HCRTR2: variants seen among roughly 807,000 people sequenced by gnomAD.
The protein encoded by HCRTR2 is orexin receptor type 2.
In HCRTR2, 22 loss-of-function variants were observed where a neutral mutation model predicts 49.0. That is an observed-to-expected ratio of 0.45 (90% confidence interval 0.32 to 0.64). The LOEUF (loss-of-function observed/expected upper bound fraction) is 0.64. HCRTR2 is among the 30% of genes least tolerant of loss of function. The pLI is 0.04. For synonymous variants in HCRTR2, 236 were observed against 205.3 expected, an observed-to-expected ratio of 1.15 and a Z score of -1.28; for missense variants, 491 against 559.4, an observed-to-expected ratio of 0.88 and a Z score of 1.23.
chr6:55,233,881 G>A (rs944630248), intron 1 of HCRTR2, among the ~76,000 whole-genome samples: 1 of 152,284 alleles, frequency 6.6e-6, no homozygotes, highest in South Asian at 2.1e-4. Context: ...ATCCATGTAT[G>A]TTAGTTAAAT....
chr6:55,208,901 G>T (rs763060015), intron 1 of HCRTR2, among the ~76,000 whole-genome samples: 1 of 152,168 alleles, frequency 6.6e-6, no homozygotes, highest in African/African-American at 2.4e-5. Context: ...TGGGCCTTAA[G>T]TCAAGGCCCA....
intron 1 of HCRTR2, among the ~76,000 whole-genome samples, chr6:55,150,782 T>A (rs1336579937): frequency 2.6e-5 from 4 of 152,034 alleles, no homozygotes; most frequent in Non-Finnish European, 5.9e-5. Context: ...TTATAAACAA[T>A]GTTTTAATAA....
intron 1 of HCRTR2, among the ~76,000 whole-genome samples, chr6:55,145,502 C>T (rs1764568381): frequency 6.6e-6 from 1 of 151,878 alleles, no homozygotes; most frequent in Non-Finnish European, 1.5e-5. Context: ...GCTCCGCCTC[C>T]CGGGTTCATG....
At chr6:55,250,533 A>T (rs1422285840) in intron 2 of HCRTR2, among the ~76,000 whole-genome samples, 1 of 152,106 alleles carries the variant, frequency 6.6e-6, no homozygotes, top group Non-Finnish European at 1.5e-5. Flanking sequence ...TCTCTCTGTG[A>T]AACAGAAGAT....
intron 1 of HCRTR2, among the ~76,000 whole-genome samples, chr6:55,163,555 C>T (rs13201560): frequency 0.17 from 26,434 of 152,052 alleles, 2,609 homozygotes; most frequent in Non-Finnish European, 0.23. Context: ...AATGTTGTTG[C>T]GAAAACTGGC....
chr6:55,248,690 T>C lies in HCRTR2; in HGVS notation c.275T>C (p.Phe92Ser). 6.2e-7 allele frequency: 1 copy of C among 1,613,504 alleles called. No homozygotes were observed. Among genetic ancestry groups the C allele is most frequent in the Non-Finnish European group, 8.5e-7 (1 of 1,179,532 alleles). Reference sequence around the variant, plus strand: ...CACATGAGGACGGTAACCAACTACTTCATAGTCAATCTTTCTCTGGCTGAT... The same window carrying C: ...CACATGAGGACGGTAACCAACTACTCCATAGTCAATCTTTCTCTGGCTGAT... ...NHHMRTVTNY[F>S]IVNLSLADVL... Residue 92 changes from phenylalanine (F) to serine (S), a missense_variant, in exon 2 of 7, where the codon TTC becomes TCC. Coordinates refer to ENST00000370862, the MANE Select transcript of HCRTR2 (RefSeq NM_001384272.1).
At chr6:55,144,041 A>T (rs1764544661) in intron 1 of HCRTR2, among the ~76,000 whole-genome samples, 1 of 147,008 alleles carries the variant, frequency 6.8e-6, no homozygotes, top group East Asian at 2.0e-4. Context: ...ATAGCGATGC[A>T]TTTCATTTCA....
intron 4 of HCRTR2, among the ~76,000 whole-genome samples, chr6:55,273,307 T>A (rs755085907): frequency 6.6e-6 from 1 of 152,040 alleles, no homozygotes; most frequent in African/African-American, 2.4e-5. Flanking sequence ...TACTCTATTA[T>A]GATGAAATGG....
intron 1 of HCRTR2, among the ~76,000 whole-genome samples, chr6:55,234,035 T>C (rs1374993833): frequency 1.3e-5 from 2 of 152,130 alleles, no homozygotes; most frequent in Non-Finnish European, 2.9e-5. Flanking sequence ...ATCCATCCTA[T>C]TATCTAAAAG....
intron 2 of HCRTR2, among the ~76,000 whole-genome samples, chr6:55,254,418 T>C (rs560084380): frequency 6.6e-6 from 1 of 152,252 alleles, no homozygotes. Context: ...AAGTGTCAAG[T>C]TAAAGAATGA....
intron 1 of HCRTR2, among the ~76,000 whole-genome samples, chr6:55,153,310 A>G (rs1764687172): frequency 6.6e-6 from 1 of 152,036 alleles, no homozygotes; most frequent in Admixed American, 6.6e-5. Context: ...TATAGAGTGT[A>G]GTTACAGAAA....
chr6:55,173,417 A>T (rs1382351898), upstream of HCRTR2, among the ~76,000 whole-genome samples: 1 of 152,196 alleles, frequency 6.6e-6, no homozygotes, highest in Non-Finnish European at 1.5e-5. Flanking sequence ...CAAGTGCAAG[A>T]TTGTAATTAC....
chr6:55,204,590 GCT>G (rs1000078810), intron 1 of HCRTR2, among the ~76,000 whole-genome samples: 14 of 152,242 alleles, frequency 9.2e-5, no homozygotes, highest in Admixed American at 3.9e-4. Context: ...GATTGTAGAA[GCT>G]ATCACACTCT....
Position 55,129,876 on chromosome 6 carries a change from G to T in HCRTR2, c.-378+23331G>T, listed in dbSNP as rs143556984. Among the ~76,000 whole-genome samples, 511 of 152,086 alleles carry T rather than the reference G, an allele frequency of 3.4e-3. 7 individuals carry two copies. Among genetic ancestry groups the T allele is most frequent in the African/African-American group, 0.012 (485 of 41,530 alleles). ...CTATAGAAGTTGCCTTTGAGAATAA[G>T]TTCTCTTTTACTTTAACCCCTTAGT... On this transcript the variant is annotated intron_variant, in intron 1 of 7. Transcript: ENST00000615358.
At chr6:55,213,103 G>A (rs184648627) in intron 1 of HCRTR2, among the ~76,000 whole-genome samples, 1 of 152,006 alleles carries the variant, frequency 6.6e-6, no homozygotes, top group Admixed American at 6.6e-5. Flanking sequence ...CAGACAAGAA[G>A]GAAGAACAAG....
At chr6:55,177,457 G>T (rs577538979) in intron 1 of HCRTR2, among the ~76,000 whole-genome samples, 2 of 152,224 alleles carry the variant, frequency 1.3e-5, no homozygotes, top group East Asian at 3.9e-4. Flanking sequence ...TGCCCCTCTG[G>T]TATAAGTAAT....
chr6:55,193,201 C>T (rs1435357475), intron 1 of HCRTR2, among the ~76,000 whole-genome samples: 1 of 152,058 alleles, frequency 6.6e-6, no homozygotes, highest in African/African-American at 2.4e-5. Flanking sequence ...TATCATTAAC[C>T]TCAAGGACAT....
intron 1 of HCRTR2, among the ~76,000 whole-genome samples, chr6:55,220,641 C>G (rs1765872590): frequency 6.6e-6 from 1 of 152,098 alleles, no homozygotes; most frequent in South Asian, 2.1e-4. Context: ...CCTCCAAGAT[C>G]AGGAACTAGG....
chr6:55,275,425 C>A (rs768472336), intron 4 of HCRTR2, among the ~76,000 whole-genome samples: 2 of 152,114 alleles, frequency 1.3e-5, no homozygotes, highest in Admixed American at 6.5e-5. Flanking sequence ...TAATTTTATA[C>A]GGAGTTTCTC....
Sources: gnomAD v4.1 joint callset for allele counts (sites outside exome capture counted in the v4.1 genomes callset) on GRCh38, gnomAD v4.1.1 for gene constraint, MANE v1.5 for transcripts, NCBI Gene and HGNC (gene_info 2026-07-23, HGNC 2026-07-21) for gene names.